Variants in ERBB4 observed in about 807,000 individuals in gnomAD.
ERBB4 encodes the protein receptor tyrosine-protein kinase erbB-4.
In ERBB4, 42 loss-of-function variants were observed where a neutral mutation model predicts 158.0. That is an observed-to-expected ratio of 0.27 (90% CI 0.21 to 0.34). The LOEUF (loss-of-function observed/expected upper bound fraction) is 0.34, where lower values mean the gene tolerates loss of function less well. ERBB4 is among the 10% of genes least tolerant of loss of function. The pLI is 1.00. For missense variants in ERBB4, 1,333 were observed against 1,624.1 expected (o/e 0.82, Z 3.08); for synonymous variants, 583 against 558.7 (o/e 1.04, Z -0.61).
At chr2:212,072,978 G>A (rs968890453) in intron 2 of ERBB4, among the ~76,000 whole-genome samples, 1 of 151,958 alleles carries the variant, frequency 6.6e-6, no homozygotes, top group African/African-American at 2.4e-5. Flanking sequence ...ACTGAGGCTT[G>A]AGAAAAGCTT....
At chr2:211,913,516 G>T (rs1487862047) in intron 3 of ERBB4, among the ~76,000 whole-genome samples, 1 of 151,862 alleles carries the variant, frequency 6.6e-6, no homozygotes. Context: ...CAGGAGAATC[G>T]CTCGAACTCG....
chr2:212,526,142 T>C (rs1692434546), intron 1 of ERBB4, among the ~76,000 whole-genome samples: 1 of 152,052 alleles, frequency 6.6e-6, no homozygotes, highest in Non-Finnish European at 1.5e-5. Context: ...TGAAAGCTGT[T>C]AAACTGTGGG....
intron 1 of ERBB4, among the ~76,000 whole-genome samples, chr2:212,234,168 T>C (rs1045153879): frequency 1.3e-5 from 2 of 152,000 alleles, no homozygotes; most frequent in Non-Finnish European, 2.9e-5. Context: ...TTGTGTGATG[T>C]TTCCCTCCCT....
intron 1 of ERBB4, among the ~76,000 whole-genome samples, chr2:212,219,955 C>CAAA (rs11387376): frequency 1.4e-5 from 2 of 138,792 alleles, no homozygotes; most frequent in Non-Finnish European, 1.6e-5. Flanking sequence ...TATCAACCCG[C>CAAA]AAAAAAAAAA....
chr2:211,497,306 A>G (rs2065493561), intron 20 of ERBB4, among the ~76,000 whole-genome samples: 1 of 152,178 alleles, frequency 6.6e-6, no homozygotes, highest in African/African-American at 2.4e-5. Flanking sequence ...AGATGAGCAT[A>G]TAATAGTGGC....
At chr2:211,465,715 T>A (rs1332812187) in intron 20 of ERBB4, among the ~76,000 whole-genome samples, 2 of 152,164 alleles carry the variant, frequency 1.3e-5, no homozygotes, top group Non-Finnish European at 2.9e-5. Context: ...AAACCTCCTA[T>A]CTGCTTTTCT....
At chr2:212,088,472 A>C (rs1326494752) in intron 2 of ERBB4, among the ~76,000 whole-genome samples, 1 of 152,188 alleles carries the variant, frequency 6.6e-6, no homozygotes, top group Non-Finnish European at 1.5e-5. Flanking sequence ...AACCACACAA[A>C]ATCACTAAAT....
At chr2:211,421,939 G>T in intron 24 of ERBB4, 68 bp downstream of exon 24, 1 of 928,906 alleles carries the variant, frequency 1.1e-6, no homozygotes, top group Non-Finnish European at 1.8e-6. Context: ...CCAAAGTCCT[G>T]ATACTACTCA....
At chr2:212,126,564 A>T (rs2079936057) in intron 1 of ERBB4, among the ~76,000 whole-genome samples, 1 of 151,804 alleles carries the variant, frequency 6.6e-6, no homozygotes, top group Non-Finnish European at 1.5e-5. Context: ...AATCTTCACC[A>T]CTTAATGTAC....
chr2:212,029,336 G>C (rs1490772345), intron 2 of ERBB4, among the ~76,000 whole-genome samples: 2 of 151,818 alleles, frequency 1.3e-5, no homozygotes, highest in Non-Finnish European at 2.9e-5. Context: ...CAAAGCCCTG[G>C]AAAGAAAATT....
intron 2 of ERBB4, among the ~76,000 whole-genome samples, chr2:211,988,371 G>C (rs1459120969): frequency 1.3e-5 from 2 of 152,036 alleles, no homozygotes; most frequent in Non-Finnish European, 2.9e-5. Flanking sequence ...ACAAATCCTA[G>C]CTACCTCAAA....
intron 1 of ERBB4, among the ~76,000 whole-genome samples, chr2:212,315,098 A>T (rs76822566): frequency 0.13 from 19,828 of 151,316 alleles, 1,396 homozygotes; most frequent in South Asian, 0.22. Context: ...ACTGTAGGCA[A>T]GGATTTCAGA....
intron 2 of ERBB4, among the ~76,000 whole-genome samples, chr2:212,022,056 GC>G (rs2076664878): frequency 6.6e-6 from 1 of 152,134 alleles, no homozygotes; most frequent in African/African-American, 2.4e-5. Context: ...AAATAGGAAT[GC>G]TTTTACACCA....
At chr2:212,056,911 C>T (rs1343460693) in intron 2 of ERBB4, among the ~76,000 whole-genome samples, 1 of 152,158 alleles carries the variant, frequency 6.6e-6, no homozygotes, top group African/African-American at 2.4e-5. Context: ...ATGACAGGAT[C>T]AAATTCACAC....
At chr2:212,069,973 A>T (rs1056896590) in intron 2 of ERBB4, among the ~76,000 whole-genome samples, 13 of 100,264 alleles carry the variant, frequency 1.3e-4, no homozygotes, top group Non-Finnish European at 9.8e-5. Context: ...AAAAAGAAAA[A>T]AGCCAAGCAC....
At chr2:212,116,166 A>G (rs1382818295) in intron 2 of ERBB4, among the ~76,000 whole-genome samples, 7 of 151,658 alleles carry the variant, frequency 4.6e-5, no homozygotes, top group Admixed American at 4.6e-4. Flanking sequence ...GCTAATTTAC[A>G]TTTATATATG....
chr2:212,226,913 A>G lies in ERBB4; in HGVS notation c.83-102010T>C, dbSNP rs1464992143. 2.6e-5 allele frequency among the ~76,000 whole-genome samples: 4 copies of G among 152,240 alleles called. No individual in the cohort carries two copies. In the East Asian group the frequency reaches 5.8e-4, roughly 22 times the overall value. On this transcript the variant is annotated intron_variant, in intron 1 of 27. Coordinates refer to ENST00000342788, the MANE Select transcript of ERBB4 (RefSeq NM_005235.3). ...TGTGGATTTCCATTAATATGAGGGA[A>G]CCTAGTTCCCACATGGAAATGGAGA...
chr2:211,925,376 C>CTTTTTTT (rs71054150), intron 3 of ERBB4, among the ~76,000 whole-genome samples: 12 of 81,576 alleles, frequency 1.5e-4, no homozygotes, highest in South Asian at 4.3e-4. Context: ...AACAAGACTG[C>CTTTTTTT]TTTTTTTTTT....
intron 1 of ERBB4, among the ~76,000 whole-genome samples, chr2:212,196,827 T>C (rs1198279991): frequency 2.0e-5 from 3 of 152,116 alleles, no homozygotes; most frequent in Non-Finnish European, 4.4e-5. Flanking sequence ...GTATGAAGTA[T>C]TTTGTTATTT....
Sources: allele counts gnomAD v4.1 joint callset (sites outside exome capture counted in the v4.1 genomes callset), GRCh38; gene constraint gnomAD v4.1.1; transcripts MANE v1.5; gene names NCBI Gene and HGNC (gene_info 2026-07-23, HGNC 2026-07-21).